The following ITGA9 variants were observed in gnomAD, a reference collection of about 807,000 sequenced individuals.
The protein encoded by ITGA9 is integrin alpha-9.
ITGA9 carries 56 observed loss-of-function variants against 127.8 expected under a neutral mutation model. That is an observed-to-expected ratio of 0.44 (90% CI 0.35 to 0.55). ITGA9 has a LOEUF of 0.55. ITGA9 is among the 20% of genes least tolerant of loss of function. The pLI, the probability that ITGA9 is intolerant of heterozygous loss-of-function variation, is 0.00. For missense variants in ITGA9, 1,196 were observed against 1,347.1 expected (o/e 0.89, Z 1.76); for synonymous variants, 508 against 514.5 (o/e 0.99, Z 0.17).
At chr3:37,768,490 T>C (rs1285717111) in intron 23 of ITGA9, among the ~76,000 whole-genome samples, 1 of 152,216 alleles carries the variant, frequency 6.6e-6, no homozygotes, top group Admixed American at 6.5e-5. Flanking sequence ...CAATGGGTAA[T>C]TGAATTAGCA....
chr3:37,752,075 C>T lies in ITGA9; in HGVS notation c.2541+1506C>T, dbSNP rs571895149. Among the ~76,000 whole-genome samples, 6 of 152,274 alleles carry T rather than the reference C, an allele frequency of 3.9e-5. 1 individual carries two copies. Among genetic ancestry groups the T allele is most frequent in the African/African-American group, 9.6e-5 (4 of 41,558 alleles). ...TGCATGAGGTGCTGTAGTGAAGAGG[C>T]GAGAGTCCCCAGATACTTGTTTCAG... On this transcript the variant is annotated intron_variant, in intron 23 of 27. Transcript: ENST00000264741.
chr3:37,471,954 C>CGA (rs891623514), intron 2 of ITGA9, among the ~76,000 whole-genome samples: 1 of 151,846 alleles, frequency 6.6e-6, no homozygotes, highest in Non-Finnish European at 1.5e-5. Flanking sequence ...CTCAGGAGGC[C>CGA]GAGGCAGGAG....
At chr3:37,586,042 T>G (rs1441406816) in intron 15 of ITGA9, among the ~76,000 whole-genome samples, 1 of 152,238 alleles carries the variant, frequency 6.6e-6, no homozygotes, top group Non-Finnish European at 1.5e-5. Flanking sequence ...ATGGTGATGG[T>G]GGCAGACAAG....
At chr3:37,682,593 C>A (rs371841753) in intron 17 of ITGA9, among the ~76,000 whole-genome samples, 52 of 152,276 alleles carry the variant, frequency 3.4e-4, no homozygotes, top group African/African-American at 1.1e-3. Context: ...CTAGCCCAGA[C>A]CCCTCCTTCA....
chr3:37,768,478 G>A (rs1045057320), intron 23 of ITGA9, among the ~76,000 whole-genome samples: 5 of 152,178 alleles, frequency 3.3e-5, no homozygotes, highest in Non-Finnish European at 7.3e-5. Context: ...TCTCAGAGTA[G>A]GCAATGGGTA....
chr3:37,610,440 T>G (rs1394911977), intron 15 of ITGA9, among the ~76,000 whole-genome samples: 1 of 152,176 alleles, frequency 6.6e-6, no homozygotes, highest in African/African-American at 2.4e-5. Flanking sequence ...TCTTTTTACT[T>G]CCTACTTGCA....
At chr3:37,751,334 T>C (rs889311137) in intron 23 of ITGA9, among the ~76,000 whole-genome samples, 12 of 152,196 alleles carry the variant, frequency 7.9e-5, no homozygotes, top group African/African-American at 2.2e-4. Context: ...TGATGTACTA[T>C]GGTTGGAACT....
At chr3:37,543,948 G>A (rs570769026) in intron 15 of ITGA9, among the ~76,000 whole-genome samples, 4 of 152,332 alleles carry the variant, frequency 2.6e-5, no homozygotes, top group East Asian at 1.9e-4. Flanking sequence ...GCCCCGCCCC[G>A]TCAGTCTTAG....
At chr3:37,728,252 G>A (rs1344273044) in intron 18 of ITGA9, among the ~76,000 whole-genome samples, 1 of 152,204 alleles carries the variant, frequency 6.6e-6, no homozygotes, top group Non-Finnish European at 1.5e-5. Context: ...TGGATACCAA[G>A]TGCCTGGCAG....
intron 15 of ITGA9, among the ~76,000 whole-genome samples, chr3:37,587,810 A>AC (rs1699772876): frequency 6.6e-6 from 1 of 152,230 alleles, no homozygotes; most frequent in Non-Finnish European, 1.5e-5. Flanking sequence ...TGCCTGGGTC[A>AC]CCAGGCAGTC....
At chr3:37,642,254 C>T (rs1255849921) in intron 16 of ITGA9, among the ~76,000 whole-genome samples, 2 of 152,208 alleles carry the variant, frequency 1.3e-5, no homozygotes, top group African/African-American at 4.8e-5. Context: ...CCTTAGCTGC[C>T]TATTTGATTC....
intron 18 of ITGA9, among the ~76,000 whole-genome samples, chr3:37,717,630 T>C (rs1297610372): frequency 6.6e-6 from 1 of 152,152 alleles, no homozygotes; most frequent in African/African-American, 2.4e-5. Flanking sequence ...TCAGATCTCA[T>C]GAGAACTCAC....
chr3:37,724,873 G>T (rs952810566), intron 18 of ITGA9, among the ~76,000 whole-genome samples: 1 of 152,080 alleles, frequency 6.6e-6, no homozygotes, highest in African/African-American at 2.4e-5. Flanking sequence ...TTAGATGATT[G>T]GTGAGTGAAT....
intron 27 of ITGA9, among the ~76,000 whole-genome samples, chr3:37,816,393 G>A (rs1287726075): frequency 2.0e-5 from 3 of 152,160 alleles, no homozygotes; most frequent in African/African-American, 4.8e-5. Context: ...GCAGCCAAAG[G>A]TATGTGCTAG....
chr3:37,507,954 TGCATA>T (rs1698862699), intron 7 of ITGA9, among the ~76,000 whole-genome samples: 1 of 152,264 alleles, frequency 6.6e-6, no homozygotes, highest in Admixed American at 6.5e-5. Context: ...GCAGTGGCGA[TGCATA>T]GTTCACATGA....
intron 18 of ITGA9, among the ~76,000 whole-genome samples, chr3:37,692,576 ATGTC>A (rs1375802043): frequency 1.3e-5 from 2 of 152,104 alleles, no homozygotes; most frequent in Admixed American, 6.5e-5. Context: ...AGTTCAATAA[ATGTC>A]TGTGTTGGCT....
At position 37,784,964 on chromosome 3, in the gene ITGA9, G is replaced by A. The variant is rs1189483570; in HGVS notation, c.2788-13G>A. On this transcript the variant is annotated splice_polypyrimidine_tract_variant and intron_variant, in intron 25 of 27. Transcript: ENST00000264741. ...GAAAAATCTTCAAGTAAGTTGTGTT[G>A]TTTCTTCCACAGGACAGTTCGTCTG... is the stretch of plus-strand genomic sequence containing the variant. 1.2e-6 allele frequency: 2 copies of A among 1,606,950 alleles called. No individual in the cohort carries two copies. The highest frequency in any genetic ancestry group is 2.2e-5 in the South Asian group (2 of 90,926).
intron 18 of ITGA9, among the ~76,000 whole-genome samples, chr3:37,695,749 A>G (rs149213067): frequency 2.0e-3 from 312 of 152,326 alleles, no homozygotes; most frequent in African/African-American, 7.0e-3. Context: ...CTGTGTTTAA[A>G]ATCAGTTAGG....
rs148408532 is a variant in ITGA9, at chr3:37,517,512, C to A, written c.1044C>A (p.Leu348=). The A allele has an allele frequency of 3.8e-6, 6 of 1,589,940 alleles. No individual in the cohort carries two copies. The highest frequency in any genetic ancestry group is 2.3e-5 in the East Asian group (1 of 43,992). ...TVYINRGNGA[L]EEQLALTGDG... is the part of the protein sequence containing the mutation. Reference sequence around the variant, plus strand: ...TCCATCCTGTTTCCCAGGGAGCCCTCGAGGAGCAGCTGGCTCTGACTGGGG... The same window carrying A: ...TCCATCCTGTTTCCCAGGGAGCCCTAGAGGAGCAGCTGGCTCTGACTGGGG... The change falls in exon 10 of 28, where the codon CTC becomes CTA. Residue 348 remains leucine (L), a synonymous_variant. Transcript: ENST00000264741.
Sources: allele counts gnomAD v4.1 joint callset (sites outside exome capture counted in the v4.1 genomes callset), GRCh38; gene constraint gnomAD v4.1.1; transcripts MANE v1.5; gene names NCBI Gene and HGNC (gene_info 2026-07-23, HGNC 2026-07-21).